KCNIP4: variants seen among roughly 807,000 people sequenced by gnomAD.
KCNIP4 encodes the protein potassium voltage-gated channel interacting protein 4, also known as Kv channel-interacting protein 4.
KCNIP4 carries 12 observed loss-of-function variants against 34.0 expected under a neutral mutation model. The ratio of observed to expected loss-of-function variants is 0.35; its 90% CI spans 0.23 to 0.57. The LOEUF is 0.57. Ranked by LOEUF, KCNIP4 falls within the 20% of genes least tolerant of loss-of-function variation. The pLI, the probability that KCNIP4 is intolerant of heterozygous loss-of-function variation, is 0.83. For missense variants in KCNIP4, 238 were observed against 311.7 expected, an observed-to-expected ratio of 0.76 and a Z score of 1.78; for synonymous variants, 124 against 102.2, an observed-to-expected ratio of 1.21 and a Z score of -1.29.
chr4:21,835,838 A>C (rs1401552649), intron 1 of KCNIP4, among the ~76,000 whole-genome samples: 1 of 152,220 alleles, frequency 6.6e-6, no homozygotes, highest in East Asian at 1.9e-4. Context: ...GATTCAATAC[A>C]GTTTAACACT....
intron 2 of KCNIP4, among the ~76,000 whole-genome samples, chr4:20,875,937 G>T (rs1254440188): frequency 6.6e-6 from 1 of 152,172 alleles, no homozygotes; most frequent in Non-Finnish European, 1.5e-5. Flanking sequence ...CTGAAACACA[G>T]TTAGGAAATT....
intron 1 of KCNIP4, among the ~76,000 whole-genome samples, chr4:21,257,875 CT>C (rs1315565024): frequency 6.6e-6 from 1 of 152,160 alleles, no homozygotes; most frequent in Non-Finnish European, 1.5e-5. Context: ...GTCTAAAACA[CT>C]GCCAGACATA....
chr4:20,770,190 G>A (rs1755751063), intron 3 of KCNIP4, among the ~76,000 whole-genome samples: 1 of 152,030 alleles, frequency 6.6e-6, no homozygotes, highest in African/African-American at 2.4e-5. Flanking sequence ...ACTCACAAGT[G>A]TATCCACCAC....
At chr4:21,238,763 T>C (rs1276426044) in intron 1 of KCNIP4, among the ~76,000 whole-genome samples, 1 of 152,164 alleles carries the variant, frequency 6.6e-6, no homozygotes, top group Non-Finnish European at 1.5e-5. Flanking sequence ...TCCATGCTCA[T>C]GGGTAGGAAG....
intron 1 of KCNIP4, among the ~76,000 whole-genome samples, chr4:21,789,630 G>C (rs113066942): frequency 2.3e-4 from 35 of 152,322 alleles, no homozygotes; most frequent in African/African-American, 8.4e-4. Flanking sequence ...AGAACAGGAT[G>C]TGTCTTTCCT....
chr4:20,752,325 C>T (rs1164080693), intron 4 of KCNIP4, among the ~76,000 whole-genome samples: 1 of 152,174 alleles, frequency 6.6e-6, no homozygotes, highest in African/African-American at 2.4e-5. Context: ...TCCCAAAGTG[C>T]TGGGATTACA....
chr4:21,720,064 A>G (rs544825993), intron 1 of KCNIP4, among the ~76,000 whole-genome samples: 12 of 134,102 alleles, frequency 8.9e-5, no homozygotes, highest in Non-Finnish European at 1.6e-4. Context: ...AAAGAAGAAG[A>G]AGAAAAAAAA....
intron 1 of KCNIP4, among the ~76,000 whole-genome samples, chr4:21,298,934 G>A (rs535415864): frequency 1.3e-5 from 2 of 152,202 alleles, no homozygotes; most frequent in East Asian, 3.9e-4. Flanking sequence ...ATGTTGTAAT[G>A]CTTAGGAAAT....
chr4:21,319,391 A>G (rs1349849440), intron 1 of KCNIP4, among the ~76,000 whole-genome samples: 1 of 152,230 alleles, frequency 6.6e-6, no homozygotes, highest in Admixed American at 6.5e-5. Context: ...TGCAGTTCTT[A>G]TAACTAGTTT....
chr4:20,947,381 C>A (rs1732296964), intron 1 of KCNIP4, among the ~76,000 whole-genome samples: 1 of 152,094 alleles, frequency 6.6e-6, no homozygotes, highest in African/African-American at 2.4e-5. Flanking sequence ...GTTGCCCAGG[C>A]TGGTCTCAAA....
At chr4:21,872,481 A>G (rs1195887850) in intron 1 of KCNIP4, among the ~76,000 whole-genome samples, 1 of 152,034 alleles carries the variant, frequency 6.6e-6, no homozygotes, top group African/African-American at 2.4e-5. Context: ...GTATGAATAG[A>G]CTCTTGTTTC....
At chr4:20,774,199 C>T (rs555334016) in intron 3 of KCNIP4, among the ~76,000 whole-genome samples, 4 of 152,286 alleles carry the variant, frequency 2.6e-5, no homozygotes, top group African/African-American at 9.6e-5. Context: ...CAATGATGCT[C>T]GTTCTGAACC....
chr4:21,468,125 G>A (rs1730151101), intron 1 of KCNIP4, among the ~76,000 whole-genome samples: 2 of 152,056 alleles, frequency 1.3e-5, no homozygotes, highest in Admixed American at 1.3e-4. Flanking sequence ...TTGCAATCCA[G>A]GTTCCAAGCT....
chr4:21,741,929 C>T (rs1046112621), intron 1 of KCNIP4, among the ~76,000 whole-genome samples: 3 of 151,946 alleles, frequency 2.0e-5, no homozygotes, highest in Non-Finnish European at 1.5e-5. Flanking sequence ...CCCAGCTACT[C>T]GGGAGGATAA....
intron 1 of KCNIP4, among the ~76,000 whole-genome samples, chr4:21,344,097 A>G (rs1717044120): frequency 6.6e-6 from 1 of 152,182 alleles, no homozygotes; most frequent in Non-Finnish European, 1.5e-5. Flanking sequence ...AGTTATGTGC[A>G]CAAGACATGT....
intron 1 of KCNIP4, among the ~76,000 whole-genome samples, chr4:21,604,316 T>G (rs1743461961): frequency 6.6e-6 from 1 of 152,130 alleles, no homozygotes; most frequent in African/African-American, 2.4e-5. Context: ...TACGTGTTAG[T>G]TGCTCTTGCT....
At chr4:20,949,665 A>G (rs1191364458) in intron 1 of KCNIP4, among the ~76,000 whole-genome samples, 1 of 152,100 alleles carries the variant, frequency 6.6e-6, no homozygotes, top group Non-Finnish European at 1.5e-5. Context: ...ACAGCATGGA[A>G]TACTATGCAG....
At chr4:21,777,857 C>G (rs1246137443) in intron 1 of KCNIP4, among the ~76,000 whole-genome samples, 1 of 152,104 alleles carries the variant, frequency 6.6e-6, no homozygotes, top group Non-Finnish European at 1.5e-5. Flanking sequence ...CTCTTATATA[C>G]AGCCATTAAT....
At position 21,821,238 on chromosome 4, in the gene KCNIP4, C is replaced by T. The variant is rs539096921; in HGVS notation, c.61+127333G>A. ...AATTGTCTTGTATGTCTTGACCCACCCATGAAGCAAGAGCTTAAAGCAAAA... is the reference window on the plus strand; with the variant it reads ...AATTGTCTTGTATGTCTTGACCCACTCATGAAGCAAGAGCTTAAAGCAAAA... On this transcript the variant is annotated intron_variant, in intron 1 of 8. Transcript: ENST00000382152. Among the ~76,000 whole-genome samples the T allele has an allele frequency of 8.5e-5, 13 of 152,130 alleles. 1 individual carries two copies. In the South Asian group the frequency reaches 2.7e-3, roughly 32 times the overall value.
Sources: allele counts gnomAD v4.1 joint callset (sites outside exome capture counted in the v4.1 genomes callset), GRCh38; gene constraint gnomAD v4.1.1; transcripts MANE v1.5; gene names NCBI Gene and HGNC (gene_info 2026-07-23, HGNC 2026-07-21).